CFAP47: variants seen among roughly 807,000 people sequenced by gnomAD.
The protein encoded by CFAP47 is cilia- and flagella-associated protein 47.
In CFAP47, 29 loss-of-function variants were observed where a neutral mutation model predicts 148.1. The observed-to-expected ratio is 0.20, with a 90% CI of 0.15 to 0.27. The LOEUF (loss-of-function observed/expected upper bound fraction) is 0.27. Ranked by LOEUF, CFAP47 falls within the 10% of genes least tolerant of loss-of-function variation. The pLI is 1.00. For synonymous variants in CFAP47, 664 were observed against 577.3 expected, an observed-to-expected ratio of 1.15 and a Z score of -2.15; for missense variants, 1,872 against 1,697.5, an observed-to-expected ratio of 1.10 and a Z score of -1.81.
At chrX:35,924,060 C>T (rs376588569) in intron 1 of CFAP47, among the ~76,000 whole-genome samples, 8 of 86,679 alleles carry the variant, frequency 9.2e-5, no homozygotes, top group African/African-American at 2.7e-4. Context: ...TACATGTATG[C>T]GCACATATAT....
At chrX:36,154,474 T>G (rs1939343253) in intron 37 of CFAP47, among the ~76,000 whole-genome samples, 1 of 112,381 alleles carries the variant, frequency 8.9e-6, no homozygotes, top group South Asian at 3.7e-4. Context: ...AGTATTCTTT[T>G]CACGAACTTT....
Position 35,924,247 on chromosome X carries a change from GCATATGGACATGTATGTGTA to G in CFAP47, c.250-1766_250-1747del, listed in dbSNP as rs1286790378. On this transcript the variant is annotated intron_variant, in intron 1 of 63. Transcript: ENST00000378653. ...TGTGTATATATGGACATGTATGTGTGCATATGGACATGTATGTGTACATGTATGTGTATATGTACATGTAT... is the reference window on the plus strand; with the variant it reads ...TGTGTATATATGGACATGTATGTGTGCATGTATGTGTATATGTACATGTAT... Among the ~76,000 whole-genome samples the G allele has an allele frequency of 4.1e-3, 369 of 89,008 alleles. 45 individuals are homozygous for G. Among genetic ancestry groups the G allele is most frequent in the African/African-American group, 0.019 (344 of 18,352 alleles). The allele number at this position is 89,008 out of a possible 115,157, so 77.3% of individuals were successfully genotyped here.
At chrX:36,220,221 T>TATAA (rs1940199760) in intron 45 of CFAP47, among the ~76,000 whole-genome samples, 1 of 111,272 alleles carries the variant, frequency 9.0e-6, no homozygotes, top group Non-Finnish European at 1.9e-5. Context: ...AGGCTATGTA[T>TATAA]ATAATGTGTA....
intron 33 of CFAP47, among the ~76,000 whole-genome samples, chrX:36,134,704 G>A (rs190280763): frequency 1.7e-4 from 19 of 110,773 alleles, no homozygotes; most frequent in Admixed American, 1.4e-3. Context: ...GTATATACAT[G>A]TATACACATA....
chrX:36,122,939 A>G (rs980483387), intron 33 of CFAP47, among the ~76,000 whole-genome samples: 6 of 111,395 alleles, frequency 5.4e-5, no homozygotes, highest in African/African-American at 1.6e-4. Context: ...GTTTGTACCC[A>G]TACTTCTTGG....
intron 22 of CFAP47, among the ~76,000 whole-genome samples, chrX:36,029,452 A>G (rs1269355705): frequency 9.1e-6 from 1 of 110,414 alleles, no homozygotes; most frequent in African/African-American, 3.3e-5. Flanking sequence ...TTGTTTTCCT[A>G]GTTCCTTAAG....
intron 48 of CFAP47, among the ~76,000 whole-genome samples, chrX:36,238,273 T>A (rs1281905511): frequency 9.0e-6 from 1 of 111,664 alleles, no homozygotes; most frequent in Non-Finnish European, 1.9e-5. Context: ...AAAGGGAAGT[T>A]CCCCTGCACA....
chrX:36,224,343 G>C (rs868916402), intron 45 of CFAP47, among the ~76,000 whole-genome samples: 2 of 111,531 alleles, frequency 1.8e-5, no homozygotes, highest in Middle Eastern at 4.7e-3. Context: ...CTGAAAAAAA[G>C]TGTTTTAACT....
chrX:36,103,283 T>C (rs1938405441), intron 32 of CFAP47, among the ~76,000 whole-genome samples: 1 of 108,239 alleles, frequency 9.2e-6, no homozygotes, highest in African/African-American at 3.4e-5. Context: ...GTGGTTTCAA[T>C]CAGGTTTCGC....
chrX:36,361,616 A>G, intron 61 of CFAP47, 115 bp downstream of exon 61: 2 of 336,145 alleles, frequency 5.9e-6, no homozygotes, highest in Non-Finnish European at 5.0e-6. Flanking sequence ...ATTTAATATT[A>G]TTGAGAAATA....
intron 33 of CFAP47, among the ~76,000 whole-genome samples, chrX:36,113,236 T>C (rs752129025): frequency 1.2e-4 from 14 of 112,311 alleles, no homozygotes; most frequent in African/African-American, 4.5e-4. Context: ...TAAAGGTCTT[T>C]TCTTTCTATA....
At chrX:35,926,245 A>AT in intron 2 of CFAP47, 77 bp downstream of exon 2, 4 of 816,223 alleles carry the variant, frequency 4.9e-6, no homozygotes, top group Non-Finnish European at 6.8e-6. Context: ...AATATTTTGT[A>AT]TTTTTTCTGA....
intron 8 of CFAP47, among the ~76,000 whole-genome samples, chrX:35,964,579 C>T (rs776877144): frequency 1.8e-5 from 2 of 110,719 alleles, no homozygotes; most frequent in South Asian, 7.6e-4. Context: ...CCTTTTTAGA[C>T]TCCCATCATA....
At chrX:36,031,735 G>GAAC (rs1368166698) in intron 23 of CFAP47, among the ~76,000 whole-genome samples, 1 of 107,654 alleles carries the variant, frequency 9.3e-6, no homozygotes, top group Non-Finnish European at 1.9e-5. Flanking sequence ...TAATAAATCT[G>GAAC]AATAATAATA....
At chrX:36,303,359 A>G (rs1210120011) in intron 53 of CFAP47, among the ~76,000 whole-genome samples, 3 of 110,467 alleles carry the variant, frequency 2.7e-5, no homozygotes, top group African/African-American at 9.9e-5. Context: ...TATTTTTTAA[A>G]TTTTTTGTAG....
intron 49 of CFAP47, among the ~76,000 whole-genome samples, chrX:36,268,561 A>G (rs1556001387): frequency 8.9e-6 from 1 of 112,705 alleles, no homozygotes; most frequent in Non-Finnish European, 1.9e-5. Context: ...ATTATATTCT[A>G]GAGAAAGTAT....
chrX:35,980,141 C>A (rs1185834637), intron 15 of CFAP47, among the ~76,000 whole-genome samples: 1 of 112,020 alleles, frequency 8.9e-6, no homozygotes, highest in Non-Finnish European at 1.9e-5. Flanking sequence ...CAACATCAGG[C>A]AAACAGAGGC....
intron 33 of CFAP47, among the ~76,000 whole-genome samples, chrX:36,114,724 G>A (rs1938610818): frequency 9.0e-6 from 1 of 110,961 alleles, no homozygotes; most frequent in Admixed American, 9.6e-5. Context: ...GGACTGCACT[G>A]GGTGGGGGTG....
chrX:36,278,661 C>T (rs1239425954), intron 49 of CFAP47, among the ~76,000 whole-genome samples: 4 of 112,138 alleles, frequency 3.6e-5, no homozygotes, highest in Non-Finnish European at 7.5e-5. Flanking sequence ...AGAAATCACC[C>T]GTCTTCTGCG....
Sources: allele counts gnomAD v4.1 joint callset (sites outside exome capture counted in the v4.1 genomes callset), GRCh38; gene constraint gnomAD v4.1.1; transcripts MANE v1.5; gene names NCBI Gene and HGNC (gene_info 2026-07-23, HGNC 2026-07-21).